The following MARCHF6 variants were observed in gnomAD, a reference collection of about 807,000 sequenced individuals.
The protein encoded by MARCHF6 is E3 ubiquitin-protein ligase MARCHF6.
Under a neutral mutation model 133.7 loss-of-function variants are expected in MARCHF6, and 31 were observed. The observed-to-expected ratio is 0.23, with a 90% confidence interval of 0.17 to 0.31. The LOEUF (loss-of-function observed/expected upper bound fraction) is 0.31. Ranked by LOEUF, MARCHF6 falls within the 10% of genes least tolerant of loss-of-function variation. The probability of loss-of-function intolerance (pLI) is 1.00; values close to 1 mark genes in which losing one functional copy is unlikely to be tolerated. For synonymous variants in MARCHF6, 395 were observed against 402.5 expected, an observed-to-expected ratio of 0.98 and a Z score of 0.22; for missense variants, 723 against 1,121.6, an observed-to-expected ratio of 0.64 and a Z score of 5.08.
chr5:10,378,699 C>G, intron 2 of MARCHF6, 60 bp from the exon 3 acceptor site: 1 of 1,065,134 alleles, frequency 9.4e-7, no homozygotes, highest in Admixed American at 2.1e-5. Flanking sequence ...ATGTTTTCGA[C>G]AAAACTGTAA....
intron 25 of MARCHF6, among the ~76,000 whole-genome samples, chr5:10,430,863 T>C (rs1232262844): frequency 6.6e-6 from 1 of 152,158 alleles, no homozygotes; most frequent in Admixed American, 6.5e-5. Context: ...TTGATCTCAG[T>C]GAGAGATTGA....
chr5:10,369,590 G>A (rs1561101413), intron 1 of MARCHF6, among the ~76,000 whole-genome samples: 1 of 136,748 alleles, frequency 7.3e-6, no homozygotes, highest in Non-Finnish European at 1.5e-5. Flanking sequence ...TCAAGGTATA[G>A]AATAGTTCCA....
chr5:10,410,031 T>C (rs1367081441), intron 17 of MARCHF6, 108 bp from the exon 18 acceptor site: 1 of 1,140,490 alleles, frequency 8.8e-7, no homozygotes, highest in African/African-American at 1.5e-5. Context: ...AAAGGAGAGG[T>C]AATAAAGACA....
chr5:10,409,310 A>G (rs1739091240), intron 17 of MARCHF6, among the ~76,000 whole-genome samples: 1 of 152,230 alleles, frequency 6.6e-6, no homozygotes, highest in African/African-American at 2.4e-5. Context: ...TGGGGTTACA[A>G]TTTAGGAATA....
In MARCHF6 at chr5:10,353,705, C is replaced by T. The variant is rs971872225; in HGVS notation, c.-194C>T. 32 of 462,022 alleles carry T rather than the reference C, an allele frequency of 6.9e-5. No homozygotes were observed. Among genetic ancestry groups the T allele is most frequent in the African/African-American group, 4.2e-4 (20 of 47,302 alleles). 28.6% of individuals were successfully genotyped at this position (462,022 alleles called of 1,614,324 possible). A position where few individuals can be genotyped will look rare whatever the true frequency, so the allele number is the denominator to read the frequency against. On this transcript the variant is annotated 5_prime_UTR_variant, in exon 1 of 26. Coordinates refer to ENST00000274140, the MANE Select transcript of MARCHF6 (RefSeq NM_005885.4). ...GCCTCGCCCCTAGGTGTTCCCGCCC[C>T]TCCCCCTCCCGTGTCGCTCGCTTTC...
At position 10,405,669 on chromosome 5, in the gene MARCHF6, T is replaced by A; in HGVS notation, c.1444T>A (p.Leu482Met). The A allele has an allele frequency of 6.3e-7, 1 of 1,593,812 alleles. No homozygotes were observed. Residue 482 changes from leucine to methionine, a missense_variant, in exon 16 of 26, where the codon TTG (leucine) becomes ATG (methionine). This residue lies in a region of MARCHF6 where 492 missense variants were observed against 699.5 expected (regional missense o/e 0.70). Coordinates refer to ENST00000274140, the MANE Select transcript of MARCHF6 (RefSeq NM_005885.4). ...PIYRHLRRFI[L>M]SVIVFGSIVL... is the part of the protein sequence containing the mutation. ...ATATAGGCATCTCCGAAGATTTATT[T>A]TGTCAGTGGTAAGAAGATGTTTCCA...
At chr5:10,408,633 G>A (rs890973567) in intron 17 of MARCHF6, among the ~76,000 whole-genome samples, 4 of 152,194 alleles carry the variant, frequency 2.6e-5, no homozygotes, top group African/African-American at 9.6e-5. Context: ...CAACCTCCTG[G>A]GCTCAAGTGA....
intron 1 of MARCHF6, among the ~76,000 whole-genome samples, chr5:10,369,614 C>CT (rs1554019318): frequency 1.2e-4 from 1 of 8,366 alleles, no homozygotes; most frequent in Admixed American, 6.4e-4. Flanking sequence ...CCCCCCCCCC[C>CT]CCTTGCAAAT....
At chr5:10,390,198 T>C in intron 5 of MARCHF6, 134 bp from the exon 6 acceptor site, 1 of 696,718 alleles carries the variant, frequency 1.4e-6, no homozygotes, top group Non-Finnish European at 2.4e-6. Flanking sequence ...GAGATTTTCA[T>C]CCAAAAAATT....
chr5:10,395,847 T>C (rs1738158175), intron 9 of MARCHF6, among the ~76,000 whole-genome samples: 1 of 152,206 alleles, frequency 6.6e-6, no homozygotes, highest in Non-Finnish European at 1.5e-5. Context: ...AATTTAGCAG[T>C]TGTGTAGGTT....
intron 1 of MARCHF6, among the ~76,000 whole-genome samples, chr5:10,356,004 C>T (rs1419707191): frequency 2.0e-5 from 3 of 151,846 alleles, no homozygotes; most frequent in Admixed American, 1.3e-4. Context: ...ATTTTAGTGC[C>T]GTATTCTCAT....
chr5:10,430,853 T>C (rs1429789338), intron 25 of MARCHF6, among the ~76,000 whole-genome samples: 3 of 152,182 alleles, frequency 2.0e-5, no homozygotes, highest in African/African-American at 7.2e-5. Context: ...ACTCTGTCAC[T>C]TGATCTCAGT....
Position 10,423,815 on chromosome 5 carries a change from A to G in MARCHF6, c.2364A>G (p.Val788=). 1 of 1,611,690 alleles carries G rather than the reference A, an allele frequency of 6.2e-7. No homozygotes were observed. The highest frequency in any genetic ancestry group is 2.2e-5 in the East Asian group (1 of 44,812). Residue 788 remains valine, a synonymous_variant, in exon 23 of 26, where the codon GTA becomes GTG. Transcript: ENST00000274140. ...GTCCTCAGTGGTGGTTGAAAACTGT[A>G]ATTGAACAGGTAAGCAAAATCAGTT... ...LMGPQWWLKT[V]IEQVYANGIR...
At chr5:10,359,963 G>C (rs1225576808) in intron 1 of MARCHF6, among the ~76,000 whole-genome samples, 1 of 151,786 alleles carries the variant, frequency 6.6e-6, no homozygotes, top group Non-Finnish European at 1.5e-5. Context: ...CCGAGATCGC[G>C]CCACTGCACT....
intron 1 of MARCHF6, among the ~76,000 whole-genome samples, chr5:10,371,711 G>A (rs1397796997): frequency 6.6e-6 from 1 of 152,200 alleles, no homozygotes; most frequent in Non-Finnish European, 1.5e-5. Flanking sequence ...GAAATAAAGG[G>A]TAGTTCTTAG....
intron 1 of MARCHF6, among the ~76,000 whole-genome samples, chr5:10,376,216 G>A (rs1283887608): frequency 1.3e-5 from 2 of 152,150 alleles, no homozygotes; most frequent in Non-Finnish European, 1.5e-5. Context: ...TTTATGAGCT[G>A]TAACACTCAC....
Position 10,394,150 on chromosome 5 carries a change from C to T in MARCHF6, c.828+7C>T. On this transcript the variant is annotated splice_region_variant and intron_variant, in intron 8 of 25. Coordinates refer to ENST00000274140, the MANE Select transcript of MARCHF6 (RefSeq NM_005885.4). ...AGAGCTTACATGGGAAAGAGTAAGA[C>T]CTTTTTCTGTCAAGTATCCTGGTGT... The T allele has an allele frequency of 6.5e-7, 1 of 1,539,126 alleles. No individual in the cohort carries two copies. The highest frequency in any genetic ancestry group is 8.8e-7 in the Non-Finnish European group (1 of 1,135,288).
Position 10,414,400 on chromosome 5 carries a change from C to CT in MARCHF6, c.1897-32dup, listed in dbSNP as rs764179416. 62 of 1,262,082 alleles carry CT rather than the reference C, an allele frequency of 4.9e-5. No individual in the cohort carries two copies. In the African/African-American group the frequency reaches 8.4e-4, roughly 17 times the overall value. The allele number at this position is 1,262,082 out of a possible 1,614,324, so 78.2% of individuals were successfully genotyped here. On this transcript the variant is annotated intron_variant, in intron 19 of 25. Coordinates refer to ENST00000274140, the MANE Select transcript of MARCHF6 (RefSeq NM_005885.4). ...ATAAAATACATTGAGCACGTGTTCTCTATTTATGCACTCCTTATGTTTTAC... is the reference window on the plus strand; with the variant it reads ...ATAAAATACATTGAGCACGTGTTCTCTTATTTATGCACTCCTTATGTTTTAC...
At chr5:10,402,006 G>T (rs776600298) in intron 11 of MARCHF6, 53 bp from the exon 12 acceptor site, 8 of 1,004,474 alleles carry the variant, frequency 8.0e-6, no homozygotes, top group South Asian at 1.3e-5. Flanking sequence ...GGAAAACCGG[G>T]GTGTAGAACA....
Sources: allele counts gnomAD v4.1 joint callset (sites outside exome capture counted in the v4.1 genomes callset), GRCh38; gene constraint gnomAD v4.1.1; regional missense constraint gnomAD v4.1.1; transcripts MANE v1.5; gene names NCBI Gene and HGNC (gene_info 2026-07-23, HGNC 2026-07-21).